Variants in CADPS2 observed in about 807,000 individuals in gnomAD.
CADPS2 encodes calcium-dependent secretion activator 2.
In CADPS2, 93 loss-of-function variants were observed where a neutral mutation model predicts 172.5. The observed-to-expected ratio is 0.54, with a 90% CI of 0.46 to 0.64. The LOEUF (loss-of-function observed/expected upper bound fraction) is 0.64, where lower values mean the gene tolerates loss of function less well. CADPS2 is among the 30% of genes least tolerant of loss of function. The pLI is 0.00. For missense variants in CADPS2, 1,420 were observed against 1,565.9 expected, an observed-to-expected ratio of 0.91 and a Z score of 1.57; for synonymous variants, 546 against 555.2, an observed-to-expected ratio of 0.98 and a Z score of 0.23.
chr7:122,695,474 A>C (rs2084951843), intron 2 of CADPS2, among the ~76,000 whole-genome samples: 1 of 152,224 alleles, frequency 6.6e-6, no homozygotes, highest in African/African-American at 2.4e-5. Flanking sequence ...TATTTAGTAA[A>C]CCCAGAGTAA....
intron 16 of CADPS2, among the ~76,000 whole-genome samples, chr7:122,440,805 G>A (rs1255565363): frequency 6.6e-6 from 1 of 152,134 alleles, no homozygotes; most frequent in Non-Finnish European, 1.5e-5. Flanking sequence ...ATTCTGGTAA[G>A]AAATGGGAGT....
At chr7:122,321,490 TTTTTTG>T (rs2032510262) in intron 29 of CADPS2, among the ~76,000 whole-genome samples, 2 of 152,078 alleles carry the variant, frequency 1.3e-5, no homozygotes, top group Admixed American at 6.5e-5. Flanking sequence ...TTCTTTTCTT[TTTTTTG>T]TTTTTATTTT....
At chr7:122,527,330 G>A (rs1329826045) in intron 8 of CADPS2, among the ~76,000 whole-genome samples, 1 of 150,862 alleles carries the variant, frequency 6.6e-6, no homozygotes, top group African/African-American at 2.4e-5. Flanking sequence ...AGCATCACAA[G>A]GACCTTTCAG....
At chr7:122,658,704 G>A (rs1351152522) in intron 3 of CADPS2, among the ~76,000 whole-genome samples, 2 of 152,144 alleles carry the variant, frequency 1.3e-5, no homozygotes, top group African/African-American at 4.8e-5. Context: ...GTGGACACAG[G>A]AAGGGGAACG....
chr7:122,817,924 G>C (rs147063729), intron 1 of CADPS2, among the ~76,000 whole-genome samples: 2 of 134,980 alleles, frequency 1.5e-5, no homozygotes, highest in Non-Finnish European at 3.1e-5. Context: ...CCTTATTTCC[G>C]TGCCCCAACC....
At position 122,531,168 on chromosome 7, in the gene CADPS2, T is replaced by C. The variant is rs564481123; in HGVS notation, c.1476-17853A>G. ...AGTTTATTATATTCTTTGTGATTAC[T>C]TTCTCATTTGTTGTCCTTTAGCATA... is the stretch of plus-strand genomic sequence containing the variant. On this transcript the variant is annotated intron_variant, in intron 8 of 29. Transcript: ENST00000449022. Among the ~76,000 whole-genome samples the C allele has an allele frequency of 2.0e-5, 3 of 152,356 alleles. No individual in the cohort carries two copies. The East Asian group carries it at 5.8e-4, about 29-fold the overall frequency.
intron 6 of CADPS2, among the ~76,000 whole-genome samples, chr7:122,584,552 G>GT (rs1244085767): frequency 1.3e-5 from 2 of 151,656 alleles, no homozygotes; most frequent in African/African-American, 2.4e-5. Flanking sequence ...TCTACTTCAT[G>GT]TTTTTTATTT....
chr7:122,728,293 C>T lies in CADPS2; in HGVS notation c.453+8662G>A, dbSNP rs116129441. Among the ~76,000 whole-genome samples, 1,377 of 151,818 alleles carry T rather than the reference C, an allele frequency of 9.1e-3. 20 individuals are homozygous for T. The highest frequency in any genetic ancestry group is 0.032 in the African/African-American group (1,325 of 41,448). On this transcript the variant is annotated intron_variant, in intron 2 of 29. Transcript: ENST00000449022. ...GGTAATTACATAAAATTTTAAAAGCCTGAAAAGGCTCTTAGTTTTTACAAA... is the reference window on the plus strand; with the variant it reads ...GGTAATTACATAAAATTTTAAAAGCTTGAAAAGGCTCTTAGTTTTTACAAA...
At chr7:122,677,436 G>A (rs143437775) in intron 2 of CADPS2, among the ~76,000 whole-genome samples, 39 of 152,304 alleles carry the variant, frequency 2.6e-4, no homozygotes, top group Non-Finnish European at 4.6e-4. Flanking sequence ...GGAATGGGAG[G>A]TGCCTGAGGA....
intron 1 of CADPS2, among the ~76,000 whole-genome samples, chr7:122,779,430 A>G (rs1472306066): frequency 8.5e-5 from 13 of 152,170 alleles, no homozygotes; most frequent in Admixed American, 8.5e-4. Context: ...CCAACCATAT[A>G]GCACATTTCA....
intron 2 of CADPS2, chr7:122,698,858 A>T (rs2085578544): frequency 2.5e-6 from 4 of 1,612,546 alleles, no homozygotes; most frequent in Non-Finnish European, 3.4e-6. Context: ...AGAACACTGA[A>T]CTTCATAAGC....
intron 1 of CADPS2, among the ~76,000 whole-genome samples, chr7:122,793,965 T>C (rs1236932420): frequency 2.0e-5 from 3 of 152,146 alleles, no homozygotes; most frequent in Non-Finnish European, 4.4e-5. Flanking sequence ...CCCAATCTCT[T>C]CTGGTTTGTA....
At chr7:122,492,323 T>A (rs147149730) in intron 9 of CADPS2, among the ~76,000 whole-genome samples, 1 of 152,106 alleles carries the variant, frequency 6.6e-6, no homozygotes, top group African/African-American at 2.4e-5. Flanking sequence ...AGTGACAACA[T>A]TGCCAAGATC....
At chr7:122,629,170 T>C (rs1187379326) in intron 4 of CADPS2, 78 bp downstream of exon 4, 9 of 1,155,252 alleles carry the variant, frequency 7.8e-6, no homozygotes, top group Admixed American at 2.5e-5. Context: ...TTTTAACCTA[T>C]ACAAAACACT....
chr7:122,877,385 A>G (rs2141645954), intron 1 of CADPS2, among the ~76,000 whole-genome samples: 1 of 152,328 alleles, frequency 6.6e-6, no homozygotes, highest in East Asian at 1.9e-4. Context: ...AACAAGTACA[A>G]ATACTGTTCT....
At chr7:122,861,270 C>G (rs1816880771) in intron 1 of CADPS2, among the ~76,000 whole-genome samples, 2 of 152,154 alleles carry the variant, frequency 1.3e-5, no homozygotes, top group East Asian at 1.9e-4. Context: ...CATTTGTTGT[C>G]TTTTGTCTAT....
intron 28 of CADPS2, among the ~76,000 whole-genome samples, chr7:122,335,694 C>T (rs947312204): frequency 3.3e-5 from 5 of 152,118 alleles, no homozygotes; most frequent in Admixed American, 1.3e-4. Flanking sequence ...TGACTCTAAA[C>T]CCTAAGCATG....
At chr7:122,833,433 C>T (rs1162594956) in intron 1 of CADPS2, among the ~76,000 whole-genome samples, 1 of 152,168 alleles carries the variant, frequency 6.6e-6, no homozygotes, top group Non-Finnish European at 1.5e-5. Flanking sequence ...TCACTGCAAC[C>T]TTTGCCTCCC....
At chr7:122,760,666 C>A (rs894613329) in intron 1 of CADPS2, among the ~76,000 whole-genome samples, 1 of 151,890 alleles carries the variant, frequency 6.6e-6, no homozygotes. Flanking sequence ...TTTGTAGGGA[C>A]ATGGATGAAG....
Sources: gnomAD v4.1 joint callset for allele counts (sites outside exome capture counted in the v4.1 genomes callset) on GRCh38, gnomAD v4.1.1 for gene constraint, MANE v1.5 for transcripts, NCBI Gene and HGNC (gene_info 2026-07-23, HGNC 2026-07-21) for gene names.